The following DENND5A variants were observed in gnomAD, a reference collection of about 807,000 sequenced individuals.
DENND5A encodes the protein DENN domain-containing protein 5A.
Under a neutral mutation model 140.3 loss-of-function variants are expected in DENND5A, and 64 were observed. The observed-to-expected ratio is 0.46, with a 90% CI of 0.37 to 0.56. DENND5A has a LOEUF of 0.56. DENND5A is among the 20% of genes least tolerant of loss of function. DENND5A has a pLI of 0.00. For synonymous variants in DENND5A, 605 were observed against 607.7 expected, an observed-to-expected ratio of 1.00 and a Z score of 0.07; for missense variants, 1,292 against 1,593.8, an observed-to-expected ratio of 0.81 and a Z score of 3.22.
chr11:9,175,849 A>G (rs553595197), intron 8 of DENND5A, among the ~76,000 whole-genome samples: 13 of 152,238 alleles, frequency 8.5e-5, no homozygotes, highest in Non-Finnish European at 1.8e-4. Context: ...CGTAAAACCT[A>G]AAACTATAAA....
At chr11:9,144,472 G>A (rs1050612278) in intron 18 of DENND5A, among the ~76,000 whole-genome samples, 194 bp from the exon 19 acceptor site, 3 of 152,174 alleles carry the variant, frequency 2.0e-5, no homozygotes, top group Non-Finnish European at 4.4e-5. Flanking sequence ...TCTGGGCACA[G>A]CAATTCCACA....
At chr11:9,226,472 T>C (rs1444855983) in intron 1 of DENND5A, among the ~76,000 whole-genome samples, 2 of 152,242 alleles carry the variant, frequency 1.3e-5, no homozygotes, top group Non-Finnish European at 2.9e-5. Flanking sequence ...AAAAAAAGTT[T>C]CTGGGGCTAT....
intron 15 of DENND5A, 22 bp from the exon 16 acceptor site, chr11:9,147,173 A>C: frequency 1.9e-6 from 3 of 1,612,798 alleles, no homozygotes; most frequent in Non-Finnish European, 2.5e-6. Context: ...GAGGTAATAC[A>C]TCAGTCTCCG....
At position 9,191,300 on chromosome 11, in the gene DENND5A, G is replaced by A. The variant is rs544988251; in HGVS notation, c.1137+2194C>T. On this transcript the variant is annotated intron_variant, in intron 5 of 22. Coordinates refer to ENST00000328194, the MANE Select transcript of DENND5A (RefSeq NM_015213.4). ...TCCACCCAGGTTGGAGTGCAGTGGC[G>A]TGATCTCGGCTCACTGCAACCTCTG... Among the ~76,000 whole-genome samples the A allele has an allele frequency of 1.9e-3, 289 of 151,996 alleles. 2 individuals are homozygous for A. The highest frequency in any genetic ancestry group is 1.8e-3 in the Non-Finnish European group (125 of 67,974).
chr11:9,255,343 C>A (rs970935379), intron 1 of DENND5A, among the ~76,000 whole-genome samples: 2 of 152,206 alleles, frequency 1.3e-5, no homozygotes, highest in Non-Finnish European at 2.9e-5. Context: ...GTAATCCCAG[C>A]ACTTTGGGAG....
At chr11:9,215,839 C>T (rs1431025162) in intron 1 of DENND5A, among the ~76,000 whole-genome samples, 6 of 152,102 alleles carry the variant, frequency 3.9e-5, no homozygotes, top group Non-Finnish European at 5.9e-5. Context: ...CGTGAGCCAC[C>T]GCGCCTGGCC....
Position 9,158,269 on chromosome 11 carries a change from G to C in DENND5A, c.2436+2444C>G, listed in dbSNP as rs147508207. On this transcript the variant is annotated intron_variant, in intron 12 of 22. Coordinates refer to ENST00000328194, the MANE Select transcript of DENND5A (RefSeq NM_015213.4). ...TACTTTTAAAATTCCATCAGGCAGG[G>C]AACAGTGGCTTTTGCCTGTGATCCC... Among the ~76,000 whole-genome samples the C allele has an allele frequency of 2.6e-3, 402 of 152,232 alleles. 2 individuals are homozygous for C. Among genetic ancestry groups the C allele is most frequent in the African/African-American group, 8.7e-3 (362 of 41,516 alleles).
At chr11:9,157,851 A>G (rs1282650403) in intron 12 of DENND5A, among the ~76,000 whole-genome samples, 3 of 152,206 alleles carry the variant, frequency 2.0e-5, no homozygotes, top group African/African-American at 4.8e-5. Flanking sequence ...GTTTTTATTA[A>G]CTATCTATCT....
intron 1 of DENND5A, among the ~76,000 whole-genome samples, chr11:9,244,497 G>A (rs1327831785): frequency 2.6e-5 from 4 of 152,128 alleles, no homozygotes; most frequent in Non-Finnish European, 5.9e-5. Flanking sequence ...AGTCTCCCAA[G>A]TAGCTGGGAT....
intron 8 of DENND5A, among the ~76,000 whole-genome samples, chr11:9,174,516 CTTTT>C (rs575928246): frequency 7.5e-6 from 1 of 133,786 alleles, no homozygotes; most frequent in African/African-American, 2.7e-5. Flanking sequence ...AAGGTTATTT[CTTTT>C]TTTTTTTTTT....
chr11:9,257,674 G>A (rs1852007415), intron 1 of DENND5A, among the ~76,000 whole-genome samples: 1 of 151,522 alleles, frequency 6.6e-6, no homozygotes, highest in Admixed American at 6.6e-5. Context: ...AGTAGAGACA[G>A]GGTTTCACCG....
intron 4 of DENND5A, among the ~76,000 whole-genome samples, chr11:9,194,959 C>T (rs903704382): frequency 6.6e-6 from 1 of 151,210 alleles, no homozygotes; most frequent in South Asian, 2.1e-4. Context: ...CCTTGTGATC[C>T]ACCCGCCTCA....
At chr11:9,184,246 G>T (rs1004071223) in intron 5 of DENND5A, among the ~76,000 whole-genome samples, 3 of 152,090 alleles carry the variant, frequency 2.0e-5, no homozygotes. Flanking sequence ...CCAGCTACTT[G>T]GAAGGCTGAG....
Position 9,139,596 on chromosome 11 carries a change from A to C in DENND5A, c.*75T>G. ...GTCTCCTACTCCTGCACAATCGCTT[A>C]AGTCCCTTTGGGAAAAAAGGTCAGA... On this transcript the variant is annotated 3_prime_UTR_variant, in exon 23 of 23. Coordinates refer to ENST00000328194, the MANE Select transcript of DENND5A (RefSeq NM_015213.4). 1 of 1,429,198 alleles carries C rather than the reference A, an allele frequency of 7.0e-7. No individual in the cohort carries two copies. The allele number at this position is 1,429,198 out of a possible 1,614,324, so 88.5% of individuals were successfully genotyped here. A position where few individuals can be genotyped will look rare whatever the true frequency, so the allele number is the denominator to read the frequency against.
At chr11:9,147,256 A>G in intron 15 of DENND5A, 105 bp from the exon 16 acceptor site, 2 of 1,230,788 alleles carry the variant, frequency 1.6e-6, no homozygotes, top group East Asian at 2.4e-5. Context: ...TAAGATGTCA[A>G]GCTTCAAGTT....
chr11:9,252,820 G>T (rs188873471), intron 1 of DENND5A, among the ~76,000 whole-genome samples: 93 of 151,514 alleles, frequency 6.1e-4, no homozygotes, highest in Non-Finnish European at 6.3e-4. Context: ...AAGACTATCT[G>T]ACAGTAATTC....
chr11:9,174,973 G>A (rs1590234049), intron 8 of DENND5A, among the ~76,000 whole-genome samples: 1 of 118,222 alleles, frequency 8.5e-6, no homozygotes, highest in African/African-American at 3.2e-5. Flanking sequence ...AAATAAATAA[G>A]AAGAAGAAGA....
At chr11:9,165,777 T>A in intron 11 of DENND5A, 59 bp downstream of exon 11, 2 of 1,596,490 alleles carry the variant, frequency 1.3e-6, no homozygotes, top group South Asian at 2.2e-5. Flanking sequence ...GAGCCAATCC[T>A]TGGTCTTACC....
intron 8 of DENND5A, among the ~76,000 whole-genome samples, chr11:9,177,433 C>T (rs1848581205): frequency 6.6e-6 from 1 of 151,752 alleles, no homozygotes; most frequent in Admixed American, 6.6e-5. Flanking sequence ...AGGAGGATCA[C>T]TTGAACGCAA....
Sources: allele counts gnomAD v4.1 joint callset (sites outside exome capture counted in the v4.1 genomes callset), GRCh38; gene constraint gnomAD v4.1.1; transcripts MANE v1.5; gene names NCBI Gene and HGNC (gene_info 2026-07-23, HGNC 2026-07-21).